VPS4A: variants seen among roughly 807,000 people sequenced by gnomAD.
VPS4A encodes vacuolar protein sorting-associated protein 4A.
In VPS4A, 20 loss-of-function variants were observed where a neutral mutation model predicts 52.3. That is an observed-to-expected ratio of 0.38 (90% CI 0.27 to 0.56). The LOEUF (loss-of-function observed/expected upper bound fraction) is 0.56, where lower values mean the gene tolerates loss of function less well. Among genes scored for constraint, VPS4A ranks in the 20% least tolerant of loss-of-function variants. The probability of loss-of-function intolerance (pLI) is 0.72; values close to 1 mark genes in which losing one functional copy is unlikely to be tolerated. For missense variants in VPS4A, 419 were observed against 575.9 expected (o/e 0.73, Z 2.79); for synonymous variants, 293 against 227.7 (o/e 1.29, Z -2.58).
chr16:69,324,480 A>G lies in VPS4A; in HGVS notation c.*171A>G, dbSNP rs1451914908. ...CCAGAAGGAAGGGCCTTGCAGCCAC[A>G]GAGACACTCCACTGCCCTGGGGCAC... is the stretch of plus-strand genomic sequence containing the variant. On this transcript the variant is annotated 3_prime_UTR_variant, in exon 11 of 11. Coordinates refer to ENST00000254950, the MANE Select transcript of VPS4A (RefSeq NM_013245.3). The G allele has an allele frequency of 5.9e-6, 4 of 678,888 alleles. No individual in the cohort carries two copies. Among genetic ancestry groups the G allele is most frequent in the African/African-American group, 1.8e-5 (1 of 56,142 alleles). The allele number at this position is 678,888 out of a possible 1,614,324, so 42.1% of individuals were successfully genotyped here. A position where few individuals can be genotyped will look rare whatever the true frequency, so the allele number is the denominator to read the frequency against.
At chr16:69,314,619 C>T (rs1433349467) in intron 1 of VPS4A, among the ~76,000 whole-genome samples, 1 of 152,148 alleles carries the variant, frequency 6.6e-6, no homozygotes, top group East Asian at 1.9e-4. Context: ...AGCACTCACC[C>T]CTCTTCTCAT....
chr16:69,314,228 A>AAGTGCTG (rs1220667366), intron 1 of VPS4A, among the ~76,000 whole-genome samples: 2 of 151,928 alleles, frequency 1.3e-5, no homozygotes, highest in Admixed American at 6.6e-5. Context: ...CCGCGTCCCA[A>AAGTGCTG]AGTGCTGGGA....
chr16:69,316,347 A>C lies in VPS4A; in HGVS notation c.256A>C (p.Lys86Gln), dbSNP rs763641951. ...AGAGAAACACGGCAAGAAGCCAGTCAAAGAGAACCAGAGTGAGGGCAAGGG... is the reference window on the plus strand; with the variant it reads ...AGAGAAACACGGCAAGAAGCCAGTCCAAGAGAACCAGAGTGAGGGCAAGGG... ...SKEKHGKKPV[K>Q]ENQSEGKGSD... The change falls in exon 3 of 11, where the codon AAA (lysine) becomes CAA (glutamine). Residue 86 changes from lysine to glutamine, a missense_variant. Lys to Gln is a moderately conservative substitution (Grantham distance 53). Coordinates refer to ENST00000254950, the MANE Select transcript of VPS4A (RefSeq NM_013245.3). 6.2e-7 allele frequency: 1 copy of C among 1,613,860 alleles called. No homozygotes were observed. Among genetic ancestry groups the C allele is most frequent in the Non-Finnish European group, 8.5e-7 (1 of 1,179,854 alleles).
chr16:69,323,512 T>TG (rs955330786), intron 10 of VPS4A: 92 of 382,522 alleles, frequency 2.4e-4, no homozygotes, highest in African/African-American at 1.8e-3. Flanking sequence ...CGTCAATCCA[T>TG]GGGTTTGGCT....
chr16:69,317,858 C>T (rs1026882282), intron 3 of VPS4A, among the ~76,000 whole-genome samples: 5 of 147,622 alleles, frequency 3.4e-5, no homozygotes, highest in African/African-American at 1.3e-4. Flanking sequence ...AGGCTGACGC[C>T]AGAGAATTCA....
rs528963850 is a variant in VPS4A, at chr16:69,326,391, C to T, written c.*2082C>T. 1.3e-4 allele frequency: 20 copies of T among 152,314 alleles called. No individual in the cohort carries two copies. The South Asian group carries it at 2.3e-3, about 17-fold the overall frequency. The allele number at this position is 152,314 out of a possible 1,614,324, so 9.4% of individuals were successfully genotyped here. ...GTTCTTGGTTATGTGCCCTCAGCCA[C>T]CAGGATATGAACCGTGTCTGCAGAG... On this transcript the variant is annotated 3_prime_UTR_variant, in exon 11 of 11. Transcript: ENST00000254950.
At position 69,321,159 on chromosome 16, in the gene VPS4A, C is replaced by A; in HGVS notation, c.960C>A (p.His320Gln). 1 of 1,581,388 alleles carries A rather than the reference C, an allele frequency of 6.3e-7. No homozygotes were observed. The highest frequency in any genetic ancestry group is 2.3e-5 in the East Asian group (1 of 42,794). Residue 320 changes from histidine (H) to glutamine (Q), a missense_variant, in exon 9 of 11, where the codon CAC becomes CAA. His to Gln is a conservative substitution (Grantham distance 24, BLOSUM62 0). Coordinates refer to ENST00000254950, the MANE Select transcript of VPS4A (RefSeq NM_013245.3). This position sits in a 1 kb window ranked among gnomAD's most constrained non-coding sequence, Gnocchi z 4.5. ...ACAACCTCACGGATGCAAACATCCACGAGCTGGCCCGGAAGACGGAAGGCT... is the reference window on the plus strand; with the variant it reads ...ACAACCTCACGGATGCAAACATCCAAGAGCTGGCCCGGAAGACGGAAGGCT... ...TPHNLTDANIHELARKTEGYS... is the reference protein window; with the variant it reads ...TPHNLTDANIQELARKTEGYS...
At chr16:69,315,541 C>T (rs577991812) in intron 1 of VPS4A, among the ~76,000 whole-genome samples, 1 of 152,314 alleles carries the variant, frequency 6.6e-6, no homozygotes, top group African/African-American at 2.4e-5. Context: ...AACTTGCAGT[C>T]CGGGCAGGAC....
At chr16:69,324,059 G>A (rs1232703738) in intron 10 of VPS4A, 149 bp from the exon 11 acceptor site, 4 of 682,014 alleles carry the variant, frequency 5.9e-6, no homozygotes, top group African/African-American at 1.8e-5. Flanking sequence ...AGGGAAGAGG[G>A]TCCCTGCCAT....
At chr16:69,323,270 C>A in intron 10 of VPS4A, 1 of 187,064 alleles carries the variant, frequency 5.3e-6, no homozygotes, top group South Asian at 9.1e-5. Flanking sequence ...AATCTTCTGA[C>A]CTCAGCCTCC....
intron 1 of VPS4A, among the ~76,000 whole-genome samples, chr16:69,313,724 T>G (rs991328555): frequency 6.6e-6 from 1 of 152,226 alleles, no homozygotes; most frequent in African/African-American, 2.4e-5. Context: ...AAGGTAGAGT[T>G]GAGTCGTTGC....
chr16:69,324,396 C>T lies in VPS4A; in HGVS notation c.*87C>T. ...CCCATGTCAACAGCCAGACAGGGCTCCAGGGCTTGTCCCAGTCAATACAGA... is the reference window on the plus strand; with the variant it reads ...CCCATGTCAACAGCCAGACAGGGCTTCAGGGCTTGTCCCAGTCAATACAGA... On this transcript the variant is annotated 3_prime_UTR_variant, in exon 11 of 11. Coordinates refer to ENST00000254950, the MANE Select transcript of VPS4A (RefSeq NM_013245.3). 17 of 1,364,296 alleles carry T rather than the reference C, an allele frequency of 1.2e-5. No individual in the cohort carries two copies. Among genetic ancestry groups the T allele is most frequent in the Non-Finnish European group, 1.7e-5 (17 of 975,000 alleles). The allele number at this position is 1,364,296 out of a possible 1,614,324, so 84.5% of individuals were successfully genotyped here.
Position 69,320,679 on chromosome 16 carries a change from T to C in VPS4A, c.770-9T>C. Reference sequence around the variant, plus strand: ...CAGAGTCTGAGTCTTTGTCTCCCTTTCTCCACAGGGGTGGGGAATAACAAT... The same window carrying C: ...CAGAGTCTGAGTCTTTGTCTCCCTTCCTCCACAGGGGTGGGGAATAACAAT... On this transcript the variant is annotated splice_polypyrimidine_tract_variant and intron_variant, in intron 7 of 10. Coordinates refer to ENST00000254950, the MANE Select transcript of VPS4A (RefSeq NM_013245.3). The surrounding 1 kb of genome is among the most constrained non-coding windows in gnomAD (Gnocchi z 4.2). 6.3e-7 allele frequency: 1 copy of C among 1,596,124 alleles called. No homozygotes were observed. Among genetic ancestry groups the C allele is most frequent in the Non-Finnish European group, 8.5e-7 (1 of 1,171,344 alleles).
chr16:69,317,780 G>C (rs1368249603), intron 3 of VPS4A, among the ~76,000 whole-genome samples: 1 of 151,636 alleles, frequency 6.6e-6, no homozygotes, highest in African/African-American at 2.4e-5. Context: ...GCGACTGAGT[G>C]CGACTCTGTC....
At chr16:69,318,326 C>T (rs565856135) in intron 3 of VPS4A, among the ~76,000 whole-genome samples, 76 of 152,264 alleles carry the variant, frequency 5.0e-4, no homozygotes, top group East Asian at 1.7e-3. Flanking sequence ...TGTGAGTCAC[C>T]GCACCTGGCC....
chr16:69,325,342 G>A lies in VPS4A; in HGVS notation c.*1033G>A, dbSNP rs1416505896. On this transcript the variant is annotated 3_prime_UTR_variant, in exon 11 of 11. Transcript: ENST00000254950. ...CGTACCAGACCCGTCCTGCAGCTGT[G>A]TTTGTTTGGTTTGGTCTGCCGCTAA... 6.6e-6 allele frequency: 1 copy of A among 152,242 alleles called. No individual in the cohort carries two copies. Among genetic ancestry groups the A allele is most frequent in the East Asian group, 1.9e-4 (1 of 5,206 alleles). 9.4% of individuals were successfully genotyped at this position (152,242 alleles called of 1,614,324 possible).
At position 69,320,247 on chromosome 16, in the gene VPS4A, G is replaced by T. The variant is rs1965493869; in HGVS notation, c.727G>T (p.Ala243Ser). The T allele has an allele frequency of 6.2e-7, 1 of 1,614,008 alleles. No individual in the cohort carries two copies. The highest frequency in any genetic ancestry group is 2.2e-5 in the East Asian group (1 of 44,880). Residue 243 changes from alanine (A) to serine (S), a missense_variant, in exon 7 of 11, where the codon GCC becomes TCC. By Grantham distance (99) the Ala-to-Ser change is moderately conservative. This residue lies in a region of VPS4A where 103 missense variants were observed against 210.3 expected (regional missense o/e 0.49). Coordinates refer to ENST00000254950, the MANE Select transcript of VPS4A (RefSeq NM_013245.3). This position sits in a 1 kb window ranked among gnomAD's most constrained non-coding sequence, Gnocchi z 4.2. ...CGSRNENESE[A>S]ARRIKTEFLV... is the part of the protein sequence containing the mutation. ...GTCCCGAAATGAAAATGAGAGTGAG[G>T]CCGCCCGGAGGATCAAAACGGAGTT... is the stretch of plus-strand genomic sequence containing the variant.
At chr16:69,314,710 G>A (rs558573845) in intron 1 of VPS4A, among the ~76,000 whole-genome samples, 11 of 152,168 alleles carry the variant, frequency 7.2e-5, no homozygotes, top group Non-Finnish European at 1.2e-4. Context: ...CTGTCTGTGT[G>A]TGTTTCTTTC....
chr16:69,320,417 C>T lies in VPS4A; in HGVS notation c.769+128C>T. 7.3e-7 allele frequency: 1 copy of T among 1,373,652 alleles called. No homozygotes were observed. Among genetic ancestry groups the T allele is most frequent in the East Asian group, 2.4e-5 (1 of 41,358 alleles). 85.1% of individuals were successfully genotyped at this position (1,373,652 alleles called of 1,614,324 possible). ...GAGGCACTCCCCAGCTCCAGCCCCT[C>T]AGGGCACGGGTGGACTTCAATTCCC... On this transcript the variant is annotated intron_variant, in intron 7 of 10. Transcript: ENST00000254950. This position sits in a 1 kb window ranked among gnomAD's most constrained non-coding sequence, Gnocchi z 4.2.
Sources: allele counts gnomAD v4.1 joint callset (sites outside exome capture counted in the v4.1 genomes callset), GRCh38; gene constraint gnomAD v4.1.1; regional missense constraint gnomAD v4.1.1; non-coding constraint Gnocchi (gnomAD v3.1); transcripts MANE v1.5; gene names NCBI Gene and HGNC (gene_info 2026-07-23, HGNC 2026-07-21).